The following NOS3 variants were observed in gnomAD, a reference collection of about 807,000 sequenced individuals.
The protein encoded by NOS3 is NOS type III.
In NOS3, 98 loss-of-function variants were observed where a neutral mutation model predicts 144.9. The observed-to-expected ratio is 0.68, with a 90% CI of 0.57 to 0.80. NOS3 has a LOEUF of 0.80. Ranked by LOEUF, NOS3 falls within the 30% of genes least tolerant of loss-of-function variation. The pLI is 0.00. For missense variants in NOS3, 1,465 were observed against 1,656.4 expected (o/e 0.88, Z 2.01); for synonymous variants, 714 against 702.4 (o/e 1.02, Z -0.26).
rs566843068 is a variant in NOS3 at position 150,998,035 on chromosome 7, C to A, written c.583-322C>A. ...GGGATTTGCTGCCCACACTCCTAGG[C>A]GGCCTCTTAGACATCCGTTGGTGCC... On this transcript the variant is annotated intron_variant, in intron 5 of 26. Coordinates refer to ENST00000297494, the MANE Select transcript of NOS3 (RefSeq NM_000603.5). The surrounding 1 kb of genome is among the most constrained non-coding windows in gnomAD (Gnocchi z 5.0). Among the ~76,000 whole-genome samples the A allele has an allele frequency of 6.6e-6, 1 of 152,188 alleles. No individual in the cohort carries two copies. Among genetic ancestry groups the A allele is most frequent in the Admixed American group, 6.5e-5 (1 of 15,286 alleles).
intron 17 of NOS3, among the ~76,000 whole-genome samples, chr7:151,007,591 G>T (rs770755605): frequency 3.3e-5 from 5 of 152,234 alleles, no homozygotes; most frequent in Non-Finnish European, 7.3e-5. Flanking sequence ...GCAGGGCAGG[G>T]CAGGGGACCC....
In NOS3 at chr7:151,002,421, C is replaced by CGCCAGG; in HGVS notation, c.1752+117_1752+118insGCCAGG. The CGCCAGG allele has an allele frequency of 3.7e-6, 2 of 537,990 alleles. No homozygotes were observed. The highest frequency in any genetic ancestry group is 3.9e-5 in the African/African-American group (2 of 50,892). The allele number at this position is 537,990 out of a possible 1,614,324, so 33.3% of individuals were successfully genotyped here. On this transcript the variant is annotated intron_variant, in intron 14 of 26. Transcript: ENST00000297494. The surrounding 1 kb of genome is among the most constrained non-coding windows in gnomAD (Gnocchi z 4.1). ...ACACACACACACACACACACACACA[C>CGCCAGG]ACACACACACACACACACACACACA...
In NOS3 at chr7:151,000,543, C is replaced by A. The variant is rs1795066813; in HGVS notation, c.1177C>A (p.Leu393Met). ...CCTGGATACCCGGACCACCTCGTCC[C>A]TGTGGAAAGACAAGGCAGCAGTGGA... is the stretch of plus-strand genomic sequence containing the variant. ...MDLDTRTTSS[L>M]WKDKAAVEIN... The change falls in exon 10 of 27, where the codon CTG becomes ATG. Residue 393 changes from leucine (L) to methionine (M), a missense_variant. By Grantham distance (15) the Leu-to-Met change is conservative. Around this residue, in one of 5 missense-constraint regions of NOS3, gnomAD observed 745 missense variants for 853.9 expected, o/e 0.87. Transcript: ENST00000297494. The A allele has an allele frequency of 6.2e-7, 1 of 1,613,544 alleles. No individual in the cohort carries two copies. The highest frequency in any genetic ancestry group is 8.5e-7 in the Non-Finnish European group (1 of 1,179,936).
intron 20 of NOS3, 106 bp downstream of exon 20, chr7:151,009,691 C>G: frequency 1.1e-6 from 1 of 949,654 alleles, no homozygotes; most frequent in Non-Finnish European, 1.5e-6. Flanking sequence ...GGGTGGCCAC[C>G]TCCTCCACAG....
rs546681441 is a variant in NOS3, at chr7:151,004,004, T to C, written c.1752+1700T>C. 5 of 298,228 alleles carry C rather than the reference T, an allele frequency of 1.7e-5. No individual in the cohort carries two copies. In the East Asian group the frequency reaches 4.1e-4, roughly 25 times the overall value. The allele number at this position is 298,228 out of a possible 1,614,324, so 18.5% of individuals were successfully genotyped here. A position where few individuals can be genotyped will look rare whatever the true frequency, so the allele number is the denominator to read the frequency against. ...ACCTAGGAGTAGAATTGGTAGGTCA[T>C]AGGGTAGATGCATGTTTAATCTTTC... On this transcript the variant is annotated intron_variant, in intron 14 of 26. Transcript: ENST00000297494.
Position 150,993,608 on chromosome 7 carries a change from C to A in NOS3, c.-51-145C>A. 1.8e-6 allele frequency: 1 copy of A among 566,640 alleles called. No individual in the cohort carries two copies. 35.1% of individuals were successfully genotyped at this position (566,640 alleles called of 1,614,324 possible). ...GCGTCCGGCCCCCCACCCTTCAGGC[C>A]AGCGGGCGTGGAGCTGAGGCTTTAG... On this transcript the variant is annotated intron_variant, in intron 1 of 26. Coordinates refer to ENST00000297494, the MANE Select transcript of NOS3 (RefSeq NM_000603.5). The surrounding 1 kb of genome is among the most constrained non-coding windows in gnomAD (Gnocchi z 4.0).
chr7:151,000,039 G>A (rs1390352308), intron 9 of NOS3, among the ~76,000 whole-genome samples: 2 of 144,432 alleles, frequency 1.4e-5, no homozygotes, highest in African/African-American at 5.2e-5. Context: ...GTGGGTGTGA[G>A]TGTGGATGTG....
rs1433600165 is a variant in NOS3, at chr7:151,014,270, TTC to T, written c.*104_*105del. Reference sequence around the variant, plus strand: ...GCTCCTCCCCTCTTGAGGTGGTGCCTTCTCACATCTGTCCAGAGGCTGCAAGG... The same window carrying T: ...GCTCCTCCCCTCTTGAGGTGGTGCCTTCACATCTGTCCAGAGGCTGCAAGG... On this transcript the variant is annotated 3_prime_UTR_variant, in exon 27 of 27. Transcript: ENST00000297494. The T allele has an allele frequency of 8.4e-7, 1 of 1,184,810 alleles. No homozygotes were observed. Among genetic ancestry groups the T allele is most frequent in the African/African-American group, 1.5e-5 (1 of 65,320 alleles). The allele number at this position is 1,184,810 out of a possible 1,614,324, so 73.4% of individuals were successfully genotyped here.
chr7:150,999,814 G>C (rs1250386424), intron 9 of NOS3, among the ~76,000 whole-genome samples: 4 of 145,788 alleles, frequency 2.7e-5, no homozygotes, highest in African/African-American at 7.7e-5. Flanking sequence ...GGGTAGGCGA[G>C]TGTGGGTTTG....
At position 150,995,295 on chromosome 7, in the gene NOS3, T is replaced by C. The variant is rs1802349250; in HGVS notation, c.251T>C (p.Leu84Pro). The change falls in exon 3 of 27, where the codon CTC (leucine) becomes CCC (proline). Residue 84 changes from leucine to proline, a missense_variant. Leu to Pro is a moderately conservative substitution (Grantham distance 98). Around this residue, in one of 5 missense-constraint regions of NOS3, gnomAD observed 374 missense variants for 377.0 expected, o/e 0.99. Transcript: ENST00000297494. Reference protein sequence around the residue: ...WEVGSITYDTLSAQAQQDGPC... With the variant: ...WEVGSITYDTPSAQAQQDGPC... Reference sequence around the variant, plus strand: ...GTGGGGAGCATCACCTATGACACCCTCAGCGCCCAGGCGCAGCAGGTAAGG... The same window carrying C: ...GTGGGGAGCATCACCTATGACACCCCCAGCGCCCAGGCGCAGCAGGTAAGG... 6.2e-7 allele frequency: 1 copy of C among 1,610,632 alleles called. No individual in the cohort carries two copies. The highest frequency in any genetic ancestry group is 1.3e-5 in the African/African-American group (1 of 74,914).
Position 150,998,309 on chromosome 7 carries a change from C to T in NOS3, c.583-48C>T, listed in dbSNP as rs1262257941. 1.3e-6 allele frequency: 2 copies of T among 1,547,966 alleles called. No individual in the cohort carries two copies. The highest frequency in any genetic ancestry group is 2.3e-5 in the South Asian group (2 of 86,804). On this transcript the variant is annotated intron_variant, in intron 5 of 26. Coordinates refer to ENST00000297494, the MANE Select transcript of NOS3 (RefSeq NM_000603.5). This position sits in a 1 kb window ranked among gnomAD's most constrained non-coding sequence, Gnocchi z 5.0. The stretch of plus-strand genomic sequence containing the variant: ...TCCTCTGGAGCTGATACTCAAGACC[C>T]CCCGTCTCTCTCCTCACCCTCCTCT...
chr7:151,002,383 A>AAC lies in NOS3; in HGVS notation c.1752+148_1752+149dup, dbSNP rs3138808. The AAC allele has an allele frequency of 0.013, 3,591 of 270,932 alleles. 301 individuals carry two copies. Among genetic ancestry groups the AAC allele is most frequent in the African/African-American group, 0.027 (662 of 24,500 alleles). The allele number at this position is 270,932 out of a possible 1,614,324, so 16.8% of individuals were successfully genotyped here. A position where few individuals can be genotyped will look rare whatever the true frequency, so the allele number is the denominator to read the frequency against. ...AGTGACTGGGCAGGAACCTCTGCCCAACACACACACACACACACACACACA... is the reference window on the plus strand; with the variant it reads ...AGTGACTGGGCAGGAACCTCTGCCCAACACACACACACACACACACACACACA... On this transcript the variant is annotated intron_variant, in intron 14 of 26. Coordinates refer to ENST00000297494, the MANE Select transcript of NOS3 (RefSeq NM_000603.5). The surrounding 1 kb of genome is among the most constrained non-coding windows in gnomAD (Gnocchi z 4.1).
At chr7:151,010,845 G>C (rs185903429) in intron 22 of NOS3, 38 bp downstream of exon 22, 1 of 1,607,286 alleles carries the variant, frequency 6.2e-7, no homozygotes, top group Admixed American at 1.7e-5. Context: ...GCCACAGCAG[G>C]GTTGGGACCG....
chr7:150,995,228 C>G lies in NOS3; in HGVS notation c.184C>G (p.Pro62Ala), dbSNP rs781177134. 1.2e-6 allele frequency: 2 copies of G among 1,609,870 alleles called. No individual in the cohort carries two copies. Among genetic ancestry groups the G allele is most frequent in the Middle Eastern group, 1.7e-4 (1 of 6,048 alleles). Residue 62 changes from proline to alanine, a missense_variant, in exon 3 of 27, where the codon CCC becomes GCC. This residue lies in a region of NOS3 where 374 missense variants were observed against 377.0 expected (regional missense o/e 0.99). Transcript: ENST00000297494. ...HSPPSSPLTQPPEGPKFPRVK... is the reference protein window; with the variant it reads ...HSPPSSPLTQAPEGPKFPRVK... Reference sequence around the variant, plus strand: ...CCCCCCGAGCTCCCCGCTAACCCAGCCCCCAGAGGGGCCCAAGTTCCCTCG... The same window carrying G: ...CCCCCCGAGCTCCCCGCTAACCCAGGCCCCAGAGGGGCCCAAGTTCCCTCG...
chr7:150,997,029 G>A (rs1373101969), intron 5 of NOS3, 104 bp downstream of exon 5: 1 of 1,327,798 alleles, frequency 7.5e-7, no homozygotes, highest in Admixed American at 2.4e-5. Context: ...CCCAAACTGT[G>A]GGGGAGATCC....
intron 15 of NOS3, 45 bp from the exon 16 acceptor site, chr7:151,006,844 T>TC (rs757734200): frequency 1.2e-5 from 18 of 1,477,034 alleles, no homozygotes; most frequent in Non-Finnish European, 1.6e-5. Flanking sequence ...CTAGCCTGTA[T>TC]CCCCAGGGCC....
chr7:151,007,467 G>T (rs1795223594), intron 17 of NOS3, among the ~76,000 whole-genome samples, 191 bp downstream of exon 17: 1 of 152,232 alleles, frequency 6.6e-6, no homozygotes, highest in Admixed American at 6.5e-5. Flanking sequence ...GACCACAGGG[G>T]TGCCTAGCCC....
intron 1 of NOS3, among the ~76,000 whole-genome samples, chr7:150,992,388 G>A (rs1014416688): frequency 1.3e-5 from 2 of 152,180 alleles, no homozygotes; most frequent in Non-Finnish European, 2.9e-5. Flanking sequence ...CTGGGAAGGC[G>A]AGGTGGTGGG....
chr7:150,996,443 G>A lies in NOS3; in HGVS notation c.310G>A (p.Val104Ile), dbSNP rs370402227. 3.2e-6 allele frequency: 5 copies of A among 1,561,782 alleles called. No individual in the cohort carries two copies. In the South Asian group the frequency reaches 5.8e-5, roughly 18 times the overall value. The change falls in exon 4 of 27, where the codon GTA (valine) becomes ATA (isoleucine). Residue 104 changes from valine (V) to isoleucine (I), a missense_variant. Val to Ile is a conservative substitution (Grantham distance 29). Around this residue, in one of 5 missense-constraint regions of NOS3, gnomAD observed 374 missense variants for 377.0 expected, o/e 0.99. Transcript: ENST00000297494. Reference protein sequence around the residue: ...CTPRRCLGSLVFPRKLQGRPS... With the variant: ...CTPRRCLGSLIFPRKLQGRPS... ...CCCAAGACGCTGCCTGGGCTCCCTG[G>A]TATTTCCACGGAAACTACAGGGCCG...
Sources: gnomAD v4.1 joint callset for allele counts (sites outside exome capture counted in the v4.1 genomes callset) on GRCh38, gnomAD v4.1.1 for gene constraint, gnomAD v4.1.1 regional missense constraint, Gnocchi (gnomAD v3.1) non-coding constraint, MANE v1.5 for transcripts, NCBI Gene and HGNC (gene_info 2026-07-23, HGNC 2026-07-21) for gene names.